LIN7A: variants seen among roughly 807,000 people sequenced by gnomAD.
The protein encoded by LIN7A is lin-7 cell polarity scaffold A, also known as protein lin-7 homolog A.
In LIN7A, 25 loss-of-function variants were observed where a neutral mutation model predicts 29.8. The observed-to-expected ratio is 0.84, with a 90% CI of 0.61 to 1.17. LIN7A has a LOEUF of 1.17. Among genes scored for constraint, LIN7A ranks in the 50% most tolerant of loss-of-function variants. LIN7A has a pLI of 0.00. For missense variants in LIN7A, 239 were observed against 287.0 expected (o/e 0.83, Z 1.21); for synonymous variants, 118 against 107.5 (o/e 1.10, Z -0.60).
chr12:80,904,339 T>C (rs992612332), intron 1 of LIN7A, among the ~76,000 whole-genome samples: 3 of 152,148 alleles, frequency 2.0e-5, no homozygotes, highest in Non-Finnish European at 2.9e-5. Context: ...CTCCTAGTGA[T>C]TTTCAAGAAC....
At chr12:80,885,222 C>A (rs1338424781) in intron 2 of LIN7A, among the ~76,000 whole-genome samples, 1 of 152,072 alleles carries the variant, frequency 6.6e-6, no homozygotes, top group African/African-American at 2.4e-5. Context: ...ATTAAAAAAT[C>A]AACATTTCAT....
intron 2 of LIN7A, among the ~76,000 whole-genome samples, chr12:80,869,404 C>G (rs1032763271): frequency 1.3e-5 from 2 of 152,036 alleles, no homozygotes; most frequent in Non-Finnish European, 2.9e-5. Context: ...CTAACCAGCT[C>G]AAACTGCCTG....
In LIN7A at chr12:80,796,907, A is replaced by G. The variant is rs1351027542; in HGVS notation, c.*820T>C. 6.6e-6 allele frequency: 1 copy of G among 152,138 alleles called. No individual in the cohort carries two copies. Among genetic ancestry groups the G allele is most frequent in the African/African-American group, 2.4e-5 (1 of 41,434 alleles). The allele number at this position is 152,138 out of a possible 1,614,324, so 9.4% of individuals were successfully genotyped here. A position where few individuals can be genotyped will look rare whatever the true frequency, so the allele number is the denominator to read the frequency against. ...GGTCCTTTGCTAGTATTCTCTTACT[A>G]GATTCTTAATACTTGGTAAGAAAAG... On this transcript the variant is annotated 3_prime_UTR_variant, in exon 6 of 6. Transcript: ENST00000552864.
At chr12:80,918,987 G>T (rs551702276) in intron 1 of LIN7A, among the ~76,000 whole-genome samples, 1 of 152,316 alleles carries the variant, frequency 6.6e-6, no homozygotes, top group Non-Finnish European at 1.5e-5. Context: ...GTACAGGTTT[G>T]TAACCTAGGA....
chr12:80,866,499 T>C (rs1045327881), intron 2 of LIN7A, among the ~76,000 whole-genome samples: 6 of 152,240 alleles, frequency 3.9e-5, no homozygotes, highest in African/African-American at 1.4e-4. Context: ...AAAACTCAGA[T>C]AGAAATGAAA....
chr12:80,863,074 C>A (rs955803517), intron 2 of LIN7A, among the ~76,000 whole-genome samples: 2 of 152,230 alleles, frequency 1.3e-5, no homozygotes, highest in Non-Finnish European at 2.9e-5. Context: ...GATGTCAAGA[C>A]TATAAAACAA....
intron 1 of LIN7A, among the ~76,000 whole-genome samples, chr12:80,926,419 AT>A (rs910059299): frequency 1.3e-4 from 19 of 151,914 alleles, no homozygotes; most frequent in African/African-American, 3.4e-4. Context: ...TAAGGGATTG[AT>A]TTTTTTTGGA....
intron 1 of LIN7A, among the ~76,000 whole-genome samples, chr12:80,930,820 C>CTTTTG (rs760157177): frequency 1.4e-4 from 22 of 152,226 alleles, no homozygotes; most frequent in East Asian, 1.4e-3. Context: ...GGTTAGAAGG[C>CTTTTG]TTTTGTTTTG....
rs1874230045 is a variant in LIN7A, at chr12:80,868,061, G to T, written c.202-19739C>A. 2.0e-5 allele frequency among the ~76,000 whole-genome samples: 3 copies of T among 152,208 alleles called. No individual in the cohort carries two copies. In the South Asian group the frequency reaches 6.2e-4, roughly 31 times the overall value. On this transcript the variant is annotated intron_variant, in intron 2 of 5. Transcript: ENST00000552864. ...GTGAAAGCTGGAAGCAGCTATTTCAGCTTCCTATAGTGAAATAACAGATGA... is the reference window on the plus strand; with the variant it reads ...GTGAAAGCTGGAAGCAGCTATTTCATCTTCCTATAGTGAAATAACAGATGA...
intron 2 of LIN7A, among the ~76,000 whole-genome samples, chr12:80,857,694 C>T (rs746100673): frequency 2.6e-5 from 4 of 151,974 alleles, no homozygotes; most frequent in Non-Finnish European, 5.9e-5. Context: ...ATGGTTTTAC[C>T]AGATTGAAGA....
chr12:80,917,644 A>G (rs1877093232), intron 1 of LIN7A, among the ~76,000 whole-genome samples: 1 of 152,082 alleles, frequency 6.6e-6, no homozygotes, highest in Non-Finnish European at 1.5e-5. Flanking sequence ...AAATTTACCT[A>G]TTATTATTTC....
chr12:80,845,840 C>T lies in LIN7A; in HGVS notation c.373G>A (p.Gly125Arg). ...DEGLGFNVMG[G>R]KEQNSPIYIS... ...TAAATGGGGGAATTTTGCTCCTTTCCTCCCATCACATTAAAACCAAGGCCT... is the reference window on the plus strand; with the variant it reads ...TAAATGGGGGAATTTTGCTCCTTTCTTCCCATCACATTAAAACCAAGGCCT... Residue 125 changes from glycine to arginine, a missense_variant, in exon 4 of 6, where the codon GGA (glycine) becomes AGA (arginine). Physicochemically the swap from Gly to Arg is moderately radical, Grantham distance 125 (BLOSUM62 -2). Coordinates refer to ENST00000552864, the MANE Select transcript of LIN7A (RefSeq NM_004664.4). The T allele has an allele frequency of 6.2e-7, 1 of 1,613,672 alleles. No individual in the cohort carries two copies. The highest frequency in any genetic ancestry group is 8.5e-7 in the Non-Finnish European group (1 of 1,179,896).
chr12:80,815,367 A>G (rs775249831), intron 4 of LIN7A, among the ~76,000 whole-genome samples: 4 of 152,246 alleles, frequency 2.6e-5, no homozygotes, highest in African/African-American at 4.8e-5. Flanking sequence ...CAGTTAGGGT[A>G]TAAATGTTGA....
At chr12:80,928,516 T>A (rs982608510) in intron 1 of LIN7A, among the ~76,000 whole-genome samples, 1 of 152,228 alleles carries the variant, frequency 6.6e-6, no homozygotes, top group African/African-American at 2.4e-5. Context: ...TGTCTGTTCA[T>A]ATCTTTTTCC....
intron 1 of LIN7A, chr12:80,937,430 G>C: frequency 2.5e-6 from 1 of 398,230 alleles, no homozygotes. Context: ...CCTCGGCGGG[G>C]CGAGTACAGT....
At chr12:80,935,940 G>T (rs1173422275) in intron 1 of LIN7A, 5 of 255,388 alleles carry the variant, frequency 2.0e-5, no homozygotes, top group East Asian at 1.6e-4. Flanking sequence ...TGTATTATTA[G>T]TAGTAGTGGT....
intron 2 of LIN7A, among the ~76,000 whole-genome samples, chr12:80,858,997 G>A (rs1029926875): frequency 6.6e-6 from 1 of 152,078 alleles, no homozygotes; most frequent in African/African-American, 2.4e-5. Context: ...GTGAATAAGA[G>A]CCAACCTGAT....
rs1555221374 is a variant in LIN7A, at chr12:80,807,080, T to TTTTTTTTTTTGTTG, written c.*4384_*4385insCAACAAAAAAAAAA. 2.5e-4 allele frequency among the ~76,000 whole-genome samples: 34 copies of TTTTTTTTTTTGTTG among 134,732 alleles called. 2 individuals are homozygous for TTTTTTTTTTTGTTG. Among genetic ancestry groups the TTTTTTTTTTTGTTG allele is most frequent in the Admixed American group, 6.0e-4 (8 of 13,326 alleles). 88.4% of individuals were successfully genotyped at this position (134,732 alleles called of 152,430 possible). ...AAGATGGAGTTTTTTTTTTTTTTTT[T>TTTTTTTTTTTGTTG]TTTTTTTTTTTGACGGAGTCTCGCT... On this transcript the variant is annotated intron_variant, in intron 5 of 5. Transcript: ENST00000552864.
intron 1 of LIN7A, among the ~76,000 whole-genome samples, chr12:80,931,633 G>C (rs947524530): frequency 1.4e-4 from 18 of 128,858 alleles, no homozygotes; most frequent in Non-Finnish European, 2.3e-4. Context: ...GCAAGACTCT[G>C]TCAAAAAGAA....
Sources: gnomAD v4.1 joint callset for allele counts (sites outside exome capture counted in the v4.1 genomes callset) on GRCh38, gnomAD v4.1.1 for gene constraint, MANE v1.5 for transcripts, NCBI Gene and HGNC (gene_info 2026-07-23, HGNC 2026-07-21) for gene names.